Variants in GPR137 observed in about 807,000 individuals in gnomAD.
GPR137 encodes the protein integral membrane protein GPR137.
A neutral mutation model predicts 38.9 loss-of-function variants in GPR137; 20 were observed. The observed-to-expected ratio is 0.51, with a 90% CI of 0.36 to 0.75. The LOEUF (loss-of-function observed/expected upper bound fraction) is 0.75, where lower values mean the gene tolerates loss of function less well. GPR137 is among the 30% of genes least tolerant of loss of function. The pLI, the probability that GPR137 is intolerant of heterozygous loss-of-function variation, is 0.00. For missense variants in GPR137, 456 were observed against 526.4 expected (o/e 0.87, Z 1.31); for synonymous variants, 226 against 235.8 (o/e 0.96, Z 0.38).
upstream of GPR137, chr11:64,271,840 C>T: frequency 3.0e-6 from 4 of 1,346,670 alleles, no homozygotes; most frequent in Non-Finnish European, 3.8e-6. Flanking sequence ...CGACGTTAAT[C>T]TCAGCTCCTC....
In GPR137 at chr11:64,288,797, C is replaced by G; in HGVS notation, c.1031+76C>G. The stretch of plus-strand genomic sequence containing the variant: ...CTGGCTCCATCAAGCTATGGGGGAC[C>G]GAGATAGCCGGGTCTTGCCTTCCAC... On this transcript the variant is annotated intron_variant, in intron 6 of 6. Transcript: ENST00000438980. This position sits in a 1 kb window ranked among gnomAD's most constrained non-coding sequence, Gnocchi z 5.5. 1 of 1,455,854 alleles carries G rather than the reference C, an allele frequency of 6.9e-7. No homozygotes were observed. Among genetic ancestry groups the G allele is most frequent in the African/African-American group, 1.4e-5 (1 of 70,526 alleles). The allele number at this position is 1,455,854 out of a possible 1,614,324, so 90.2% of individuals were successfully genotyped here.
chr11:64,271,752 G>T, upstream of GPR137: 1 of 1,444,152 alleles, frequency 6.9e-7, no homozygotes, highest in Non-Finnish European at 9.1e-7. Flanking sequence ...GTCGTCCTCC[G>T]TCCCCGCGGG....
At chr11:64,279,602 C>G (rs2033298156), upstream of GPR137, among the ~76,000 whole-genome samples, 2 of 151,068 alleles carry the variant, frequency 1.3e-5, no homozygotes, top group African/African-American at 4.9e-5. Context: ...CCCGTCTCCA[C>G]TAAAAACACA....
At chr11:64,271,795 C>G (rs780468801), upstream of GPR137, 3 of 1,404,004 alleles carry the variant, frequency 2.1e-6, no homozygotes, top group African/African-American at 4.5e-5. Context: ...ATCTCCACAG[C>G]CCCAGCGCCT....
upstream of GPR137, chr11:64,285,510 C>T: frequency 1.0e-6 from 1 of 985,102 alleles, no homozygotes; most frequent in African/African-American, 1.7e-5. Flanking sequence ...TCTTCAGAGA[C>T]CGAGGGACGG....
upstream of GPR137, among the ~76,000 whole-genome samples, chr11:64,280,928 G>A (rs1273867564): frequency 2.0e-5 from 3 of 149,818 alleles, no homozygotes; most frequent in East Asian, 4.0e-4. Context: ...TCAGCCTCCC[G>A]ATGTGCTGGG....
chr11:64,278,808 A>G (rs907417794), intron 2 of GPR137, among the ~76,000 whole-genome samples: 2 of 152,188 alleles, frequency 1.3e-5, no homozygotes, highest in Non-Finnish European at 2.9e-5. Flanking sequence ...GGTGGCAGGG[A>G]CTATGAGGAG....
At chr11:64,273,240 G>A (rs1482597510), upstream of GPR137, among the ~76,000 whole-genome samples, 1 of 152,176 alleles carries the variant, frequency 6.6e-6, no homozygotes, top group African/African-American at 2.4e-5. Context: ...AGGTGTGGTG[G>A]TTCACGCCTG....
In GPR137 at chr11:64,276,161, T is replaced by C. The variant is rs567857167; in HGVS notation, c.-89-187T>C. On this transcript the variant is annotated intron_variant, in intron 1 of 2. Transcript: ENST00000538244. ...CCAGTTCTGCCAGGAACCTGTCCTA[T>C]GGGGTGGGAGTTTTTCACCAAATTC... 7.8e-4 allele frequency among the ~76,000 whole-genome samples: 118 copies of C among 152,208 alleles called. 2 individuals are homozygous for C. Among genetic ancestry groups the C allele is most frequent in the African/African-American group, 2.6e-3 (108 of 41,552 alleles).
chr11:64,277,042 C>T, intron 2 of GPR137: 1 of 713,414 alleles, frequency 1.4e-6, no homozygotes. Context: ...ACGAAGTTCT[C>T]CCTGTTTTAT....
At position 64,286,541 on chromosome 11, in the gene GPR137, C is replaced by T; in HGVS notation, c.17C>T (p.Ser6Phe). Reference sequence around the variant, plus strand: ...CTCCCTGACATGGAGAGTAACCTGTCTGGCCTGGTGCCTGCTGCCGGGCTG... The same window carrying T: ...CTCCCTGACATGGAGAGTAACCTGTTTGGCCTGGTGCCTGCTGCCGGGCTG... MESNL[S>F]GLVPAAGLVP... Residue 6 changes from serine (S) to phenylalanine (F), a missense_variant, in exon 1 of 7, where the codon TCT becomes TTT. Physicochemically the swap from Ser to Phe is radical, Grantham distance 155 (BLOSUM62 -2). Coordinates refer to ENST00000438980, the MANE Select transcript of GPR137 (RefSeq NM_001170880.2). 1 of 1,612,442 alleles carries T rather than the reference C, an allele frequency of 6.2e-7. No individual in the cohort carries two copies. The highest frequency in any genetic ancestry group is 1.1e-5 in the South Asian group (1 of 90,880).
upstream of GPR137, chr11:64,284,842 C>T (rs1241091678): frequency 1.3e-6 from 2 of 1,499,092 alleles, no homozygotes; most frequent in Admixed American, 2.1e-5. Flanking sequence ...CATCCTTTTT[C>T]CTCCCTCCTT....
At chr11:64,277,306 C>T (rs897741028) in intron 2 of GPR137, among the ~76,000 whole-genome samples, 1 of 152,190 alleles carries the variant, frequency 6.6e-6, no homozygotes, top group Non-Finnish European at 1.5e-5. Flanking sequence ...TGTCCGCCTC[C>T]GGCACCTGTA....
rs1301838157 is a variant in GPR137 at position 64,286,466 on chromosome 11, C to G, written c.-59C>G. ...TTCCCACCCCTCCGTATTTATTTCC[C>G]TGGTCCCGCCGACAGTCCCTCCTTG... On this transcript the variant is annotated 5_prime_UTR_variant, in exon 1 of 7. Coordinates refer to ENST00000438980, the MANE Select transcript of GPR137 (RefSeq NM_001170880.2). 1 of 1,555,740 alleles carries G rather than the reference C, an allele frequency of 6.4e-7. No individual in the cohort carries two copies. Among genetic ancestry groups the G allele is most frequent in the African/African-American group, 1.4e-5 (1 of 73,676 alleles).
At position 64,286,202 on chromosome 11, in the gene GPR137, G is replaced by C; in HGVS notation, c.-323G>C. The C allele has an allele frequency of 8.8e-7, 1 of 1,137,390 alleles. No individual in the cohort carries two copies. The highest frequency in any genetic ancestry group is 1.6e-5 in the African/African-American group (1 of 62,202). 70.5% of individuals were successfully genotyped at this position (1,137,390 alleles called of 1,614,324 possible). ...ACCGAGGCCAGGGAGTCCTCTCCTT[G>C]GGCCTCTGCATCCCCCCATCCTTGG... On this transcript the variant is annotated 5_prime_UTR_variant, in exon 1 of 7. Transcript: ENST00000438980.
Position 64,286,439 on chromosome 11 carries a change from A to G in GPR137, c.-86A>G. The G allele has an allele frequency of 6.5e-7, 1 of 1,531,482 alleles. No individual in the cohort carries two copies. Among genetic ancestry groups the G allele is most frequent in the Non-Finnish European group, 8.8e-7 (1 of 1,140,852 alleles). The allele number at this position is 1,531,482 out of a possible 1,614,324, so 94.9% of individuals were successfully genotyped here. On this transcript the variant is annotated 5_prime_UTR_variant, in exon 1 of 7. Transcript: ENST00000438980. ...CCCCATCTCCCTCTCTGCACCCTGC[A>G]ATTCCCACCCCTCCGTATTTATTTC...
chr11:64,272,881 A>C (rs1044096845), upstream of GPR137: 22 of 152,232 alleles, frequency 1.4e-4, no homozygotes, highest in African/African-American at 4.6e-4. Flanking sequence ...GGATAATCCT[A>C]GCCCTGACTC....
chr11:64,272,469 G>A (rs1246771069), upstream of GPR137, among the ~76,000 whole-genome samples: 1 of 152,184 alleles, frequency 6.6e-6, no homozygotes, highest in African/African-American at 2.4e-5. Context: ...CAGCCGGCAG[G>A]ATTGAATGCC....
At chr11:64,285,411 G>A, upstream of GPR137, 1 of 984,750 alleles carries the variant, frequency 1.0e-6, no homozygotes, top group African/African-American at 1.7e-5. Flanking sequence ...GCCGGGGCGA[G>A]GGGCGGGCCC....
Sources: allele counts gnomAD v4.1 joint callset (sites outside exome capture counted in the v4.1 genomes callset), GRCh38; gene constraint gnomAD v4.1.1; non-coding constraint Gnocchi (gnomAD v3.1); transcripts MANE v1.5; gene names NCBI Gene and HGNC (gene_info 2026-07-23, HGNC 2026-07-21).